ZCWPW2: variants seen among roughly 807,000 people sequenced by gnomAD.
ZCWPW2 encodes the protein zinc finger CW-type and PWWP domain containing 2.
In ZCWPW2, 45 loss-of-function variants were observed where a neutral mutation model predicts 46.6. The observed-to-expected ratio is 0.96, with a 90% CI of 0.76 to 1.24. The LOEUF (loss-of-function observed/expected upper bound fraction) is 1.24. ZCWPW2 is among the 50% of genes most tolerant of loss of function. The probability of loss-of-function intolerance (pLI) is 0.00; values close to 1 mark genes in which losing one functional copy is unlikely to be tolerated. For missense variants in ZCWPW2, 429 were observed against 403.9 expected, an observed-to-expected ratio of 1.06 and a Z score of -0.53; for synonymous variants, 152 against 137.1, an observed-to-expected ratio of 1.11 and a Z score of -0.76.
At chr3:28,375,799 TC>T (rs1179432871) in intron 1 of ZCWPW2, among the ~76,000 whole-genome samples, 1 of 151,884 alleles carries the variant, frequency 6.6e-6, no homozygotes, top group Admixed American at 6.6e-5. Context: ...CGTCTACTGT[TC>T]CTAACTTCTG....
intron 8 of ZCWPW2, among the ~76,000 whole-genome samples, chr3:28,519,978 A>G (rs1410121212): frequency 6.6e-6 from 1 of 151,194 alleles, no homozygotes; most frequent in Admixed American, 6.6e-5. Context: ...AGCAAGGTCA[A>G]TGAATTACCA....
rs1203160620 is a variant in ZCWPW2 at position 28,370,710 on chromosome 3, G to A, written c.-133-19788G>A. On this transcript the variant is annotated intron_variant, in intron 1 of 9. Coordinates refer to ENST00000383768, the MANE Select transcript of ZCWPW2 (RefSeq NM_001040432.4). ...CAGTTATAATTCATGAACTTACTCT[G>A]CTAATTTTCATAAAGGTTTTTGTTT... Among the ~76,000 whole-genome samples the A allele has an allele frequency of 2.6e-5, 4 of 152,110 alleles. No individual in the cohort carries two copies. The South Asian group carries it at 6.2e-4, about 24-fold the overall frequency.
chr3:28,473,973 C>T (rs761243715), intron 4 of ZCWPW2, among the ~76,000 whole-genome samples: 43 of 151,956 alleles, frequency 2.8e-4, no homozygotes, highest in Non-Finnish European at 5.4e-4. Context: ...AAAAGGGTGA[C>T]TATAGTTAAA....
chr3:28,502,684 T>C (rs780464340), intron 6 of ZCWPW2, among the ~76,000 whole-genome samples: 10 of 152,166 alleles, frequency 6.6e-5, no homozygotes, highest in East Asian at 1.9e-4. Context: ...GGCTAGCAAC[T>C]AGCTATAAGG....
chr3:28,421,951 C>T (rs182002402), intron 3 of ZCWPW2, among the ~76,000 whole-genome samples: 4 of 151,222 alleles, frequency 2.6e-5, no homozygotes, highest in African/African-American at 9.7e-5. Flanking sequence ...AAAAATATGA[C>T]CCGTGTTCTT....
chr3:28,442,210 G>A lies in ZCWPW2; in HGVS notation c.492+6941G>A, dbSNP rs529720253. On this transcript the variant is annotated intron_variant, in intron 4 of 9. Coordinates refer to ENST00000383768, the MANE Select transcript of ZCWPW2 (RefSeq NM_001040432.4). ...CTCCAACATCCAAATAAACCCATTA[G>A]GCATTGTGCCTCTTTCTTGGTTGTA... Among the ~76,000 whole-genome samples, 38 of 152,250 alleles carry A rather than the reference G, an allele frequency of 2.5e-4. 2 individuals are homozygous for A. Among genetic ancestry groups the A allele is most frequent in the African/African-American group, 8.4e-4 (35 of 41,532 alleles).
chr3:28,352,899 A>G (rs1241085451), intron 1 of ZCWPW2, among the ~76,000 whole-genome samples: 1 of 152,108 alleles, frequency 6.6e-6, no homozygotes, highest in Non-Finnish European at 1.5e-5. Flanking sequence ...TTTATATTTT[A>G]TAGGCCAGGC....
In ZCWPW2 at chr3:28,514,086, T is replaced by C. The variant is rs187010639; in HGVS notation, c.680T>C (p.Ile227Thr). 45 of 1,510,342 alleles carry C rather than the reference T, an allele frequency of 3.0e-5. No homozygotes were observed. The highest frequency in any genetic ancestry group is 2.3e-5 in the Non-Finnish European group (25 of 1,103,054). 93.6% of individuals were successfully genotyped at this position (1,510,342 alleles called of 1,614,324 possible). The change falls in exon 7 of 10, where the codon ATT (isoleucine) becomes ACT (threonine). Residue 227 changes from isoleucine to threonine, a missense_variant. Ile to Thr is a moderately conservative substitution (Grantham distance 89). Transcript: ENST00000383768. ...TAGAAGCAGACTTCTAAAAATAATA[T>C]TGAAAAGAAGAAGCCCAAATTTAGA... is the stretch of plus-strand genomic sequence containing the variant. ...KKRKQTSKNN[I>T]EKKKPKFRKR...
intron 2 of ZCWPW2, among the ~76,000 whole-genome samples, chr3:28,412,720 G>C (rs538004838): frequency 5.9e-5 from 9 of 152,152 alleles, no homozygotes; most frequent in African/African-American, 2.2e-4. Flanking sequence ...AGGCTTAGCT[G>C]TTATCATGGG....
chr3:28,367,279 T>C (rs1575053913), intron 1 of ZCWPW2, among the ~76,000 whole-genome samples: 1 of 152,242 alleles, frequency 6.6e-6, no homozygotes, highest in Non-Finnish European at 1.5e-5. Flanking sequence ...CTTGTGGGCA[T>C]TCAGTGCTAT....
chr3:28,513,098 T>C (rs1700472542), intron 6 of ZCWPW2, among the ~76,000 whole-genome samples: 1 of 152,182 alleles, frequency 6.6e-6, no homozygotes, highest in Non-Finnish European at 1.5e-5. Context: ...CTATCCTGAC[T>C]TGTAGTGCCA....
intron 1 of ZCWPW2, among the ~76,000 whole-genome samples, chr3:28,369,467 A>C (rs897714845): frequency 3.3e-5 from 5 of 152,186 alleles, no homozygotes; most frequent in Non-Finnish European, 7.3e-5. Flanking sequence ...GCTGCAGAAC[A>C]GCAGATATTG....
chr3:28,440,882 G>A (rs1697725834), intron 4 of ZCWPW2, among the ~76,000 whole-genome samples: 1 of 152,192 alleles, frequency 6.6e-6, no homozygotes, highest in African/African-American at 2.4e-5. Flanking sequence ...TGGTGATAGA[G>A]GTCCAATATA....
intron 5 of ZCWPW2, among the ~76,000 whole-genome samples, chr3:28,490,697 T>C (rs568569515): frequency 2.6e-5 from 4 of 151,916 alleles, no homozygotes; most frequent in South Asian, 2.1e-4. Context: ...AGGGTGAGGA[T>C]TGAAAAACTA....
chr3:28,496,772 C>T (rs1321425503), intron 6 of ZCWPW2, among the ~76,000 whole-genome samples: 2 of 151,702 alleles, frequency 1.3e-5, no homozygotes, highest in African/African-American at 2.4e-5. Context: ...GCACTACATA[C>T]ATGTTGTTTC....
At chr3:28,474,621 G>GTGCA in intron 4 of ZCWPW2, among the ~76,000 whole-genome samples, 1 of 125,942 alleles carries the variant, frequency 7.9e-6, no homozygotes, top group East Asian at 2.2e-4. Context: ...GTGTGTGTGT[G>GTGCA]CGCGCGCGCG....
At chr3:28,360,349 C>CAAAAAAAAAAAAAAAA (rs71087692) in intron 1 of ZCWPW2, among the ~76,000 whole-genome samples, 1 of 53,926 alleles carries the variant, frequency 1.9e-5, no homozygotes, top group African/African-American at 7.1e-5. Context: ...ACTAAAAATA[C>CAAAAAAAAAAAAAAAA]AAAAAAAAAA....
chr3:28,453,565 A>G (rs1698306986), intron 4 of ZCWPW2, among the ~76,000 whole-genome samples: 1 of 152,118 alleles, frequency 6.6e-6, no homozygotes, highest in East Asian at 1.9e-4. Flanking sequence ...ATTTTCTGTT[A>G]AAGAAAAAAA....
intron 4 of ZCWPW2, among the ~76,000 whole-genome samples, chr3:28,471,109 A>C (rs922886990): frequency 2.0e-5 from 3 of 152,184 alleles, no homozygotes; most frequent in Non-Finnish European, 4.4e-5. Flanking sequence ...AAAAACTATA[A>C]TAAAAAGTCT....
Sources: gnomAD v4.1 joint callset for allele counts (sites outside exome capture counted in the v4.1 genomes callset) on GRCh38, gnomAD v4.1.1 for gene constraint, MANE v1.5 for transcripts, NCBI Gene and HGNC (gene_info 2026-07-23, HGNC 2026-07-21) for gene names.